TEX12: variants seen among roughly 807,000 people sequenced by gnomAD.
The protein encoded by TEX12 is testis-expressed protein 12.
In TEX12, 7 loss-of-function variants were observed where a neutral mutation model predicts 14.6. The observed-to-expected ratio is 0.48, with a 90% CI of 0.27 to 0.90. The LOEUF (loss-of-function observed/expected upper bound fraction) is 0.90, where lower values mean the gene tolerates loss of function less well. Ranked by LOEUF, TEX12 falls within the 40% of genes least tolerant of loss-of-function variation. The pLI is 0.12. For missense variants in TEX12, 121 were observed against 135.7 expected, an observed-to-expected ratio of 0.89 and a Z score of 0.54; for synonymous variants, 57 against 49.1, an observed-to-expected ratio of 1.16 and a Z score of -0.67.
intron 4 of TEX12, among the ~76,000 whole-genome samples, 173 bp from the exon 5 acceptor site, chr11:112,171,599 A>G (rs191094209): frequency 1.3e-3 from 195 of 152,138 alleles, no homozygotes; most frequent in Admixed American, 5.8e-3. Flanking sequence ...TGAGTAGTCA[A>G]AAATATTTGT....
At position 112,170,535 on chromosome 11, in the gene TEX12, T is replaced by A. The variant is rs763390094; in HGVS notation, c.175+5T>A. ...CCTTGGAGAAAGATTTAAATGGTGA[T>A]GTATAAAATGTTTATATTTCTAAAC... is the stretch of plus-strand genomic sequence containing the variant. On this transcript the variant is annotated splice_donor_5th_base_variant and intron_variant, in intron 3 of 4. Transcript: ENST00000280358. 4 of 1,597,140 alleles carry A rather than the reference T, an allele frequency of 2.5e-6. No homozygotes were observed. The East Asian group carries it at 8.9e-5, about 36-fold the overall frequency.
chr11:112,168,738 C>T (rs1215326823), intron 1 of TEX12, among the ~76,000 whole-genome samples: 3 of 151,982 alleles, frequency 2.0e-5, no homozygotes, highest in Non-Finnish European at 4.4e-5. Flanking sequence ...TTTTAGTAGA[C>T]ACAGGGTTTC....
At chr11:112,168,272 A>G (rs1229429985) in intron 1 of TEX12, among the ~76,000 whole-genome samples, 1 of 152,234 alleles carries the variant, frequency 6.6e-6, no homozygotes, top group Non-Finnish European at 1.5e-5. Context: ...TCAAAGACAC[A>G]GAGACTATAC....
At chr11:112,169,438 GT>G in intron 2 of TEX12, 107 bp downstream of exon 2, 1 of 829,082 alleles carries the variant, frequency 1.2e-6, no homozygotes. Context: ...TAATGTATTC[GT>G]ATGCCCAGAG....
chr11:112,170,654 T>C lies in TEX12; in HGVS notation c.207T>C (p.Ser69=), dbSNP rs763806920. ...DVSKEINLML[S]TYAKLLSERA... is the part of the protein sequence containing the mutation. ...GCAAGGAAATTAATCTAATGTTGTC[T>C]ACCTATGCAAAGCTTTTAAGGCAAG... is the stretch of plus-strand genomic sequence containing the variant. The change falls in exon 4 of 5, where the codon TCT becomes TCC. Residue 69 remains serine (S), a synonymous_variant. Transcript: ENST00000280358. The C allele has an allele frequency of 3.7e-6, 6 of 1,611,780 alleles. No individual in the cohort carries two copies. In the South Asian group the frequency reaches 6.6e-5, roughly 18 times the overall value.
chr11:112,168,245 A>G (rs141435839), intron 1 of TEX12, among the ~76,000 whole-genome samples: 1,709 of 152,332 alleles, frequency 0.011, 15 homozygotes, highest in Non-Finnish European at 0.016. Flanking sequence ...TTGAATATGG[A>G]CAGGGCTCCC....
At position 112,172,073 on chromosome 11, in the gene TEX12, T is replaced by C. The variant is rs1238857751; in HGVS notation, c.*157T>C. 1 of 444,984 alleles carries C rather than the reference T, an allele frequency of 2.2e-6. No individual in the cohort carries two copies. The highest frequency in any genetic ancestry group is 3.8e-6 in the Non-Finnish European group (1 of 266,552). 27.6% of individuals were successfully genotyped at this position (444,984 alleles called of 1,614,324 possible). A position where few individuals can be genotyped will look rare whatever the true frequency, so the allele number is the denominator to read the frequency against. On this transcript the variant is annotated 3_prime_UTR_variant, in exon 5 of 5. Transcript: ENST00000280358. ...AATTTCTAGGTTTAAAAAGGAACTTTTAAATTCCTTAATGTTAATATTAAT... is the reference window on the plus strand; with the variant it reads ...AATTTCTAGGTTTAAAAAGGAACTTCTAAATTCCTTAATGTTAATATTAAT...
chr11:112,167,865 T>TA (rs1866745461), intron 1 of TEX12, among the ~76,000 whole-genome samples: 1 of 152,018 alleles, frequency 6.6e-6, no homozygotes, highest in Non-Finnish European at 1.5e-5. Context: ...TGCACAGTGT[T>TA]ACTTGGGGAG....
At chr11:112,168,559 T>TG (rs1866753097) in intron 1 of TEX12, among the ~76,000 whole-genome samples, 1 of 151,714 alleles carries the variant, frequency 6.6e-6, no homozygotes, top group Admixed American at 6.6e-5. Flanking sequence ...AAGAATCCTT[T>TG]TTTTTTTTTT....
At position 112,171,862 on chromosome 11, in the gene TEX12, A is replaced by G. The variant is rs757320123; in HGVS notation, c.318A>G (p.Lys106=). The change falls in exon 5 of 5, where the codon AAA becomes AAG. Residue 106 remains lysine (K), a synonymous_variant. Transcript: ENST00000280358. ...CTATTGAAAACTTTCTAATACAAAA[A>G]AGAGAGTTCCTGCGACAGAGGTTTA... The part of the protein sequence containing the change: ...ANAIENFLIQ[K]REFLRQRFTV... 1 of 1,598,338 alleles carries G rather than the reference A, an allele frequency of 6.3e-7. No individual in the cohort carries two copies. The highest frequency in any genetic ancestry group is 1.1e-5 in the South Asian group (1 of 88,036).
intron 1 of TEX12, among the ~76,000 whole-genome samples, chr11:112,169,021 G>A (rs1866760234): frequency 6.6e-6 from 1 of 152,088 alleles, no homozygotes; most frequent in South Asian, 2.1e-4. Flanking sequence ...AACTTATTCT[G>A]GAACAATGAA....
rs117397000 is a variant in TEX12 at position 112,169,264 on chromosome 11, G to A, written c.-5G>A. 1.4e-5 allele frequency: 22 copies of A among 1,612,736 alleles called. No homozygotes were observed. The highest frequency in any genetic ancestry group is 2.2e-5 in the South Asian group (2 of 91,052). On this transcript the variant is annotated 5_prime_UTR_variant, in exon 2 of 5. Coordinates refer to ENST00000280358, the MANE Select transcript of TEX12 (RefSeq NM_031275.4). ...TCTAAGCTTTGTAGCTGGTGCCTTC[G>A]GAATATGATGGCAAATCACCTTGTA...
chr11:112,167,551 T>C (rs1054270445), intron 1 of TEX12, 64 bp downstream of exon 1: 2 of 151,686 alleles, frequency 1.3e-5, no homozygotes, highest in African/African-American at 2.4e-5. Context: ...AGGGAGGAAG[T>C]GCGGAGGGGC....
In TEX12 at chr11:112,170,647, T is replaced by A; in HGVS notation, c.200T>A (p.Met67Lys). Residue 67 changes from methionine to lysine, a missense_variant, in exon 4 of 5, where the codon ATG becomes AAG. Coordinates refer to ENST00000280358, the MANE Select transcript of TEX12 (RefSeq NM_031275.4). Reference sequence around the variant, plus strand: ...GATGTGAGCAAGGAAATTAATCTAATGTTGTCTACCTATGCAAAGCTTTTA... The same window carrying A: ...GATGTGAGCAAGGAAATTAATCTAAAGTTGTCTACCTATGCAAAGCTTTTA... ...LNDVSKEINL[M>K]LSTYAKLLSE... 6.2e-7 allele frequency: 1 copy of A among 1,611,974 alleles called. No individual in the cohort carries two copies. Among genetic ancestry groups the A allele is most frequent in the Non-Finnish European group, 8.5e-7 (1 of 1,178,508 alleles).
At chr11:112,168,166 A>G (rs1866748659) in intron 1 of TEX12, among the ~76,000 whole-genome samples, 1 of 152,224 alleles carries the variant, frequency 6.6e-6, no homozygotes, top group Admixed American at 6.5e-5. Context: ...TATAGGACTA[A>G]TCAAACAGAT....
rs1426612443 is a variant in TEX12 at position 112,168,724 on chromosome 11, G to C, written c.-16-529G>C. ...CTGCCACCACGCCTGGCTAATGTTT[G>C]GATTTTTAGTAGACACAGGGTTTCA... On this transcript the variant is annotated intron_variant, in intron 1 of 4. Transcript: ENST00000280358. Among the ~76,000 whole-genome samples the C allele has an allele frequency of 3.3e-5, 5 of 152,002 alleles. No homozygotes were observed. In the South Asian group the frequency reaches 8.3e-4, roughly 25 times the overall value.
rs186507787 is a variant in TEX12, at chr11:112,170,854, C to T, written c.227+180C>T. Reference sequence around the variant, plus strand: ...GGTTATTTTCAGGGAATAGCGTCAACTTTTCCACTAAAAATCCTTTCTTTT... The same window carrying T: ...GGTTATTTTCAGGGAATAGCGTCAATTTTTCCACTAAAAATCCTTTCTTTT... On this transcript the variant is annotated intron_variant, in intron 4 of 4. Coordinates refer to ENST00000280358, the MANE Select transcript of TEX12 (RefSeq NM_031275.4). Among the ~76,000 whole-genome samples, 9 of 152,228 alleles carry T rather than the reference C, an allele frequency of 5.9e-5. No homozygotes were observed. In the East Asian group the frequency reaches 1.5e-3, roughly 26 times the overall value.
intron 4 of TEX12, among the ~76,000 whole-genome samples, chr11:112,171,466 T>A (rs532728695): frequency 1.6e-4 from 24 of 152,174 alleles, no homozygotes; most frequent in Admixed American, 9.2e-4. Context: ...GTGTTTTTTT[T>A]ACACTGCCGG....
chr11:112,171,235 ATAATT>A (rs1300884902), intron 4 of TEX12, among the ~76,000 whole-genome samples: 1 of 152,086 alleles, frequency 6.6e-6, no homozygotes, highest in African/African-American at 2.4e-5. Flanking sequence ...TAATCAAGAG[ATAATT>A]TAAATTATAT....
Sources: allele counts gnomAD v4.1 joint callset (sites outside exome capture counted in the v4.1 genomes callset), GRCh38; gene constraint gnomAD v4.1.1; transcripts MANE v1.5; gene names NCBI Gene and HGNC (gene_info 2026-07-23, HGNC 2026-07-21).